The following NTRK1 variants were observed in gnomAD, a reference collection of about 807,000 sequenced individuals.
The protein encoded by NTRK1 is neurotrophic receptor tyrosine kinase 1.
Under a neutral mutation model 86.8 loss-of-function variants are expected in NTRK1, and 62 were observed. The ratio of observed to expected loss-of-function variants is 0.71; its 90% CI spans 0.58 to 0.88. The LOEUF is 0.88. NTRK1 is among the 40% of genes least tolerant of loss of function. NTRK1 has a pLI of 0.00. For synonymous variants in NTRK1, 469 were observed against 456.6 expected (o/e 1.03, Z -0.35); for missense variants, 967 against 1,078.4 (o/e 0.90, Z 1.45).
chr1:156,874,791 C>A (rs2102911292), intron 10 of NTRK1, 115 bp from the exon 11 acceptor site: 1 of 1,171,816 alleles, frequency 8.5e-7, no homozygotes, highest in Non-Finnish European at 1.3e-6. Flanking sequence ...GAGGATGAGG[C>A]AGGTCTGGAG....
chr1:156,845,666 G>A (rs747625856), intron 2 of NTRK1: 1 of 1,610,744 alleles, frequency 6.2e-7, no homozygotes, highest in Non-Finnish European at 8.5e-7. Context: ...ACTTCTTCTG[G>A]AACGAGGCCT....
chr1:156,867,930 C>T (rs1647268072), intron 4 of NTRK1, among the ~76,000 whole-genome samples, 174 bp from the exon 5 acceptor site: 2 of 152,218 alleles, frequency 1.3e-5, no homozygotes, highest in South Asian at 2.1e-4. Flanking sequence ...GCCTCGGCCT[C>T]CCAATGGCCT....
intron 1 of NTRK1, chr1:156,816,139 A>T: frequency 8.9e-6 from 14 of 1,575,628 alleles, no homozygotes; most frequent in Non-Finnish European, 1.2e-5. Context: ...GAGAGGAACT[A>T]TGTCTGTCTC....
At chr1:156,857,163 A>ACG (rs1655434931), upstream of NTRK1, among the ~76,000 whole-genome samples, 1 of 130,536 alleles carries the variant, frequency 7.7e-6, no homozygotes, top group African/African-American at 2.8e-5. Context: ...GCAGCTGTGT[A>ACG]TGTGTGTGTG....
At position 156,849,064 on chromosome 1, in the gene NTRK1, G is replaced by C. The variant is rs200782324; in HGVS notation, c.50+6871G>C. ...GAGTCTGGCCTGGGTGGGGCGAGGG[G>C]CCTGCTCGCAACCGCGCCTGCCAGC... On this transcript the variant is annotated intron_variant, in intron 2 of 16. Coordinates refer to the NTRK1 transcript ENST00000392302. 9.3e-4 allele frequency: 1,489 copies of C among 1,608,874 alleles called. 21 individuals are homozygous for C. In the African/African-American group the frequency reaches 0.017, roughly 19 times the overall value.
Position 156,854,087 on chromosome 1 carries a change from A to C in NTRK1, c.51-10267A>C. On this transcript the variant is annotated intron_variant, in intron 2 of 16. Coordinates refer to the NTRK1 transcript ENST00000392302. This position sits in a 1 kb window ranked among gnomAD's most constrained non-coding sequence, Gnocchi z 4.2. ...GAGGCGCGTCCCGCGGATGACTGCT[A>C]GGTTGGGGAAGAGGTCGCGCAGGCT... is the stretch of plus-strand genomic sequence containing the variant. 6.2e-7 allele frequency: 1 copy of C among 1,614,114 alleles called. No individual in the cohort carries two copies. The highest frequency in any genetic ancestry group is 1.1e-5 in the South Asian group (1 of 91,088).
At chr1:156,877,030 G>A (rs1240484816) in intron 14 of NTRK1, among the ~76,000 whole-genome samples, 3 of 151,958 alleles carry the variant, frequency 2.0e-5, no homozygotes, top group African/African-American at 7.3e-5. Context: ...TACTGTTATT[G>A]TTTTAGAGTT....
chr1:156,881,814 A>C lies in NTRK1; in HGVS notation c.*172A>C. The C allele has an allele frequency of 1.6e-6, 1 of 617,466 alleles. No homozygotes were observed. The highest frequency in any genetic ancestry group is 2.3e-5 in the South Asian group (1 of 43,932). 38.2% of individuals were successfully genotyped at this position (617,466 alleles called of 1,614,324 possible). A position where few individuals can be genotyped will look rare whatever the true frequency, so the allele number is the denominator to read the frequency against. ...AGAGGATGTTCCTGCTTCTCTAGGC[A>C]AGGTCCCGTCATAGCAATTATATTT... is the stretch of plus-strand genomic sequence containing the variant. On this transcript the variant is annotated 3_prime_UTR_variant, in exon 17 of 17. Coordinates refer to ENST00000524377, the MANE Select transcript of NTRK1 (RefSeq NM_002529.4).
chr1:156,870,675 T>G (rs1385967029), intron 6 of NTRK1, among the ~76,000 whole-genome samples: 1 of 152,218 alleles, frequency 6.6e-6, no homozygotes, highest in African/African-American at 2.4e-5. Flanking sequence ...GGTCAGAGGA[T>G]TCCACATTTA....
chr1:156,829,297 CA>C (rs1186154878), intron 1 of NTRK1, among the ~76,000 whole-genome samples: 1 of 152,150 alleles, frequency 6.6e-6, no homozygotes, highest in Non-Finnish European at 1.5e-5. Context: ...TGGGTGCCAC[CA>C]CCTAGAGCAC....
At chr1:156,847,614 C>T (rs141986324) in intron 2 of NTRK1, among the ~76,000 whole-genome samples, 116 of 151,138 alleles carry the variant, frequency 7.7e-4, no homozygotes, top group African/African-American at 2.5e-3. Flanking sequence ...TGTGGCCCAG[C>T]GGGAAGTGCC....
chr1:156,840,770 T>G lies in NTRK1; in HGVS notation c.-63-1311T>G. On this transcript the variant is annotated intron_variant, in intron 1 of 16. Transcript: ENST00000392302. ...CTCTGCCCCACCCTCGGCCATCCCT[T>G]GCCCTGAGTTGGGGTGGGGGTGAAC... The G allele has an allele frequency of 7.8e-6, 7 of 892,998 alleles. No individual in the cohort carries two copies. The South Asian group carries it at 1.1e-4, about 14-fold the overall frequency. The allele number at this position is 892,998 out of a possible 1,614,324, so 55.3% of individuals were successfully genotyped here. A position where few individuals can be genotyped will look rare whatever the true frequency, so the allele number is the denominator to read the frequency against.
At chr1:156,866,426 C>G (rs1020431920) in intron 3 of NTRK1, among the ~76,000 whole-genome samples, 1 of 152,082 alleles carries the variant, frequency 6.6e-6, no homozygotes, top group Non-Finnish European at 1.5e-5. Context: ...GAGGAGGGCC[C>G]GGAAGGAGGA....
intron 1 of NTRK1, among the ~76,000 whole-genome samples, chr1:156,836,194 T>A (rs1654594940): frequency 6.6e-6 from 1 of 152,028 alleles, no homozygotes; most frequent in Non-Finnish European, 1.5e-5. Flanking sequence ...ACCCGTCTCA[T>A]CTCCAGAAAT....
rs543976940 is a variant in NTRK1 at position 156,876,219 on chromosome 1, C to G, written c.1632+9C>G. 1 of 1,613,822 alleles carries G rather than the reference C, an allele frequency of 6.2e-7. No homozygotes were observed. Among genetic ancestry groups the G allele is most frequent in the East Asian group, 2.2e-5 (1 of 44,874 alleles). ...TGCTGGTGGCTGTCAAGGTGAGACC[C>G]TGCCCCGGGGGGTACTGCTGGCCTG... On this transcript the variant is annotated intron_variant, in intron 13 of 16. Coordinates refer to ENST00000524377, the MANE Select transcript of NTRK1 (RefSeq NM_002529.4).
intron 2 of NTRK1, chr1:156,853,797 C>T (rs754772215): frequency 6.1e-5 from 98 of 1,611,108 alleles, no homozygotes; most frequent in Non-Finnish European, 7.6e-5. Flanking sequence ...TCAGTGTGCC[C>T]GCTGAAGGTG....
chr1:156,837,441 C>T (rs746567951), intron 1 of NTRK1, among the ~76,000 whole-genome samples: 3 of 152,236 alleles, frequency 2.0e-5, no homozygotes, highest in Non-Finnish European at 4.4e-5. Context: ...ACTAGTGGGC[C>T]CTTGGCCGAG....
At chr1:156,844,928 G>A (rs1654935684) in intron 2 of NTRK1, 2 of 1,583,008 alleles carry the variant, frequency 1.3e-6, no homozygotes, top group Non-Finnish European at 1.7e-6. Flanking sequence ...GGCTGAGCTG[G>A]GAGGTGGGGA....
At chr1:156,851,899 A>G (rs1046691601) in intron 2 of NTRK1, 1 of 1,585,072 alleles carries the variant, frequency 6.3e-7, no homozygotes, top group Non-Finnish European at 8.6e-7. Flanking sequence ...TGCTGCTATT[A>G]CGGGTGAAGC....
Sources: allele counts gnomAD v4.1 joint callset (sites outside exome capture counted in the v4.1 genomes callset), GRCh38; gene constraint gnomAD v4.1.1; non-coding constraint Gnocchi (gnomAD v3.1); transcripts MANE v1.5; gene names NCBI Gene and HGNC (gene_info 2026-07-23, HGNC 2026-07-21).